ITIH5: variants seen among roughly 807,000 people sequenced by gnomAD.
The protein encoded by ITIH5 is inter-alpha-trypsin inhibitor heavy chain 5, also known as inter-alpha-trypsin inhibitor heavy chain H5.
In ITIH5, 65 loss-of-function variants were observed where a neutral mutation model predicts 77.5. That is an observed-to-expected ratio of 0.84 (90% CI 0.69 to 1.03). ITIH5 has a LOEUF of 1.03. Among genes scored for constraint, ITIH5 ranks in the 50% least tolerant of loss-of-function variants. The pLI, the probability that ITIH5 is intolerant of heterozygous loss-of-function variation, is 0.00. For synonymous variants in ITIH5, 525 were observed against 494.3 expected, an observed-to-expected ratio of 1.06 and a Z score of -0.82; for missense variants, 1,208 against 1,213.1, an observed-to-expected ratio of 1.00 and a Z score of 0.06.
At position 7,576,865 on chromosome 10, in the gene ITIH5, C is replaced by G; in HGVS notation, c.1566G>C (p.Lys522Asn). ...IIIAGKLVDR[K>N]LDHLHVEVTA... ...TGACCTCCACGTGCAGGTGATCCAG[C>G]TTCCTGTCCACCAGCTTCCCCGCAA... The change falls in exon 10 of 14, where the codon AAG (lysine) becomes AAC (asparagine). Residue 522 changes from lysine to asparagine, a missense_variant. Physicochemically the swap from Lys to Asn is moderately conservative, Grantham distance 94. Transcript: ENST00000397146. The G allele has an allele frequency of 6.2e-7, 1 of 1,614,166 alleles. No individual in the cohort carries two copies. The highest frequency in any genetic ancestry group is 1.3e-5 in the African/African-American group (1 of 75,036).
intron 5 of ITIH5, among the ~76,000 whole-genome samples, chr10:7,628,481 T>A (rs535932093): frequency 6.6e-6 from 1 of 152,198 alleles, no homozygotes; most frequent in East Asian, 1.9e-4. Flanking sequence ...CTGCGGCATG[T>A]GTCTGTGTTA....
chr10:7,615,090 T>C (rs1271111201), intron 7 of ITIH5, among the ~76,000 whole-genome samples: 1 of 151,944 alleles, frequency 6.6e-6, no homozygotes, highest in African/African-American at 2.4e-5. Flanking sequence ...CTACTAAAAA[T>C]ACAAAAATTA....
rs1017524733 is a variant in ITIH5, at chr10:7,634,054, A to G, written c.652+3174T>C. On this transcript the variant is annotated intron_variant, in intron 5 of 13. Coordinates refer to ENST00000397146, the MANE Select transcript of ITIH5 (RefSeq NM_030569.7). Reference sequence around the variant, plus strand: ...CAGTGAGCCGAGATCGCGCCACTGCACTCCAGCCTGGGCGACAGAGCAAGA... The same window carrying G: ...CAGTGAGCCGAGATCGCGCCACTGCGCTCCAGCCTGGGCGACAGAGCAAGA... Among the ~76,000 whole-genome samples the G allele has an allele frequency of 2.2e-5, 3 of 137,248 alleles. No individual in the cohort carries two copies. In the East Asian group the frequency reaches 6.7e-4, roughly 31 times the overall value. The allele number at this position is 137,248 out of a possible 152,430, so 90.0% of individuals were successfully genotyped here. A position where few individuals can be genotyped will look rare whatever the true frequency, so the allele number is the denominator to read the frequency against.
In ITIH5 at chr10:7,566,190, G is replaced by T. The variant is rs754260167; in HGVS notation, c.2367C>A (p.Ser789=). 18 of 1,613,952 alleles carry T rather than the reference G, an allele frequency of 1.1e-5. No individual in the cohort carries two copies. The highest frequency in any genetic ancestry group is 1.5e-5 in the Non-Finnish European group (18 of 1,179,984). The change falls in exon 13 of 14, where the codon TCC becomes TCA. Residue 789 remains serine, a synonymous_variant. Transcript: ENST00000397146. ...CGGTGACATTGGCGTTGGCAGACAC[G>T]GACACCTCCAGCCCCCAGCTCCCCA... is the stretch of plus-strand genomic sequence containing the variant. The part of the protein sequence containing the change: ...VVVGSWGLEV[S]VSANANVTVT...
intron 5 of ITIH5, among the ~76,000 whole-genome samples, chr10:7,626,343 C>A (rs1387056250): frequency 1.3e-5 from 2 of 152,196 alleles, no homozygotes; most frequent in African/African-American, 4.8e-5. Flanking sequence ...GTTGACCGAG[C>A]CACAGCCAAC....
intron 7 of ITIH5, among the ~76,000 whole-genome samples, chr10:7,591,952 C>A (rs1395901703): frequency 1.3e-5 from 2 of 152,148 alleles, no homozygotes; most frequent in African/African-American, 2.4e-5. Context: ...CTCACTGCAA[C>A]CTCCGCCTCC....
chr10:7,629,286 CCT>C (rs1833665153), intron 5 of ITIH5, among the ~76,000 whole-genome samples: 5 of 109,860 alleles, frequency 4.6e-5, no homozygotes, highest in Non-Finnish European at 5.5e-5. Context: ...AGCGTGTGTC[CCT>C]GTTGTAGCGT....
At chr10:7,651,563 G>A (rs532322249) in intron 2 of ITIH5, among the ~76,000 whole-genome samples, 79 of 151,984 alleles carry the variant, frequency 5.2e-4, no homozygotes, top group Non-Finnish European at 8.7e-4. Flanking sequence ...AGCCGAGATC[G>A]CACCACTGGG....
intron 5 of ITIH5, among the ~76,000 whole-genome samples, chr10:7,625,999 T>C (rs1833572020): frequency 6.6e-6 from 1 of 152,256 alleles, no homozygotes; most frequent in East Asian, 1.9e-4. Flanking sequence ...ATGAAAATGA[T>C]GAAATGCATT....
At chr10:7,615,067 T>C (rs1411949501) in intron 7 of ITIH5, among the ~76,000 whole-genome samples, 1 of 152,100 alleles carries the variant, frequency 6.6e-6, no homozygotes, top group African/African-American at 2.4e-5. Flanking sequence ...GCCAACATGA[T>C]GAAACCCTGT....
chr10:7,569,317 C>G (rs943752384), intron 12 of ITIH5: 7 of 168,050 alleles, frequency 4.2e-5, no homozygotes, highest in African/African-American at 1.4e-4. Flanking sequence ...CCGCGCCCAG[C>G]CTACATAGCG....
intron 7 of ITIH5, among the ~76,000 whole-genome samples, chr10:7,608,836 A>G (rs1833184919): frequency 6.6e-6 from 1 of 152,238 alleles, no homozygotes; most frequent in Non-Finnish European, 1.5e-5. Context: ...GTTGCTCAAT[A>G]ATTCTACGAA....
intron 11 of ITIH5, chr10:7,572,246 T>A (rs949452816): frequency 7.6e-7 from 1 of 1,312,574 alleles, no homozygotes; most frequent in African/African-American, 1.5e-5. Flanking sequence ...AAGGCAACAA[T>A]CAAGACTTCC....
chr10:7,607,835 T>G (rs758011938), intron 7 of ITIH5, among the ~76,000 whole-genome samples: 2 of 152,160 alleles, frequency 1.3e-5, no homozygotes, highest in Non-Finnish European at 2.9e-5. Flanking sequence ...AAAAAAAATC[T>G]TGTCTGCAAA....
chr10:7,600,648 G>C (rs1832995754), intron 7 of ITIH5: 1 of 453,608 alleles, frequency 2.2e-6, no homozygotes, highest in African/African-American at 2.0e-5. Flanking sequence ...CTAAGAATTT[G>C]GCAAAGCCTA....
rs1331415940 is a variant in ITIH5, at chr10:7,644,847, T to TATCA, written c.136-2761_136-2758dup. The stretch of plus-strand genomic sequence containing the variant: ...ATATATCACATATATATCACATATA[T>TATCA]ATCACATATGTATCACATATATATC... On this transcript the variant is annotated intron_variant, in intron 2 of 13. Transcript: ENST00000397146. Among the ~76,000 whole-genome samples the TATCA allele has an allele frequency of 1.5e-4, 20 of 135,076 alleles. 3 individuals carry two copies. Among genetic ancestry groups the TATCA allele is most frequent in the African/African-American group, 6.2e-4 (20 of 32,414 alleles). 88.6% of individuals were successfully genotyped at this position (135,076 alleles called of 152,430 possible).
intron 5 of ITIH5, among the ~76,000 whole-genome samples, chr10:7,629,512 CGT>C (rs1222593823): frequency 7.8e-6 from 1 of 128,064 alleles, no homozygotes; most frequent in Non-Finnish European, 1.8e-5. Context: ...CATGTTGCAG[CGT>C]GTGTCCGTGT....
Position 7,579,847 on chromosome 10 carries a change from C to T in ITIH5, c.1326G>A (p.Val442=), listed in dbSNP as rs763184537. The part of the protein sequence containing the change: ...CIFTIGIGND[V]DFRLLEKLSL... The stretch of plus-strand genomic sequence containing the variant: ...ACAGTTTCTCCAGCAGCCTGAAGTC[C>T]ACGTCGTTGCCGATGCCAATGGTGA... Residue 442 remains valine, a synonymous_variant, in exon 9 of 14, where the codon GTG becomes GTA. Coordinates refer to ENST00000397146, the MANE Select transcript of ITIH5 (RefSeq NM_030569.7). The T allele has an allele frequency of 6.2e-7, 1 of 1,614,208 alleles. No homozygotes were observed. The highest frequency in any genetic ancestry group is 8.5e-7 in the Non-Finnish European group (1 of 1,180,034).
chr10:7,651,397 A>T (rs1470233147), intron 2 of ITIH5, among the ~76,000 whole-genome samples: 1 of 152,178 alleles, frequency 6.6e-6, no homozygotes, highest in African/African-American at 2.4e-5. Flanking sequence ...CAGCCTGGCC[A>T]ACATGGCGAA....
Sources: gnomAD v4.1 joint callset for allele counts (sites outside exome capture counted in the v4.1 genomes callset) on GRCh38, gnomAD v4.1.1 for gene constraint, MANE v1.5 for transcripts, NCBI Gene and HGNC (gene_info 2026-07-23, HGNC 2026-07-21) for gene names.